KCNN2: variants seen among roughly 807,000 people sequenced by gnomAD.
The protein encoded by KCNN2 is potassium calcium-activated channel subfamily N member 2, also known as small conductance calcium-activated potassium channel protein 2.
In KCNN2, 24 loss-of-function variants were observed where a neutral mutation model predicts 55.5. The observed-to-expected ratio is 0.43, with a 90% CI of 0.31 to 0.61. The LOEUF (loss-of-function observed/expected upper bound fraction) is 0.61. Ranked by LOEUF, KCNN2 falls within the 20% of genes least tolerant of loss-of-function variation. The pLI is 0.08. For missense variants in KCNN2, 754 were observed against 853.6 expected, an observed-to-expected ratio of 0.88 and a Z score of 1.45; for synonymous variants, 431 against 336.1, an observed-to-expected ratio of 1.28 and a Z score of -3.09.
Position 114,362,417 on chromosome 5 carries a change from C to T in KCNN2, c.278C>T (p.Ser93Phe), listed in dbSNP as rs1757456326. ...AACCTGTCCCTGCTGCTCCGCACCT[C>T]CTCGCCCGGCGGCGCCTTCCGGACC... ...GDNLSLLLRT[S>F]SPGGAFRTRT... Residue 93 changes from serine to phenylalanine, a missense_variant, in exon 1 of 8, where the codon TCC becomes TTC. Coordinates refer to ENST00000673685, the MANE Select transcript of KCNN2 (RefSeq NM_021614.4). The T allele has an allele frequency of 3.0e-6, 1 of 329,904 alleles. No homozygotes were observed. The highest frequency in any genetic ancestry group is 5.5e-6 in the Non-Finnish European group (1 of 181,082). The allele number at this position is 329,904 out of a possible 1,614,324, so 20.4% of individuals were successfully genotyped here.
At chr5:114,319,934 G>A (rs1025478307) in intron 2 of KCNN2, among the ~76,000 whole-genome samples, 2 of 152,272 alleles carry the variant, frequency 1.3e-5, no homozygotes, top group African/African-American at 4.8e-5. Flanking sequence ...GGAATCCAGT[G>A]TTTCCTTTGA....
exon 1 of KCNN2, chr5:114,056,075 G>C: frequency 9.7e-6 from 3 of 310,316 alleles, no homozygotes; most frequent in East Asian, 4.9e-5. Context: ...CCCCAGTCCC[G>C]GCGGGGCGCC....
intron 1 of KCNN2, among the ~76,000 whole-genome samples, chr5:114,192,200 T>C (rs983190403): frequency 1.3e-5 from 2 of 152,208 alleles, no homozygotes; most frequent in Admixed American, 1.3e-4. Flanking sequence ...TACTAAATGA[T>C]ACTCACATTC....
chr5:114,362,913 G>A lies in KCNN2; in HGVS notation c.774G>A (p.Ala258=), dbSNP rs370230746. 5.7e-6 allele frequency: 9 copies of A among 1,584,470 alleles called. No homozygotes were observed. Among genetic ancestry groups the A allele is most frequent in the South Asian group, 5.6e-5 (5 of 89,332 alleles). The change falls in exon 1 of 8, where the codon GCG becomes GCA. Residue 258 remains alanine (A), a synonymous_variant. Coordinates refer to ENST00000673685, the MANE Select transcript of KCNN2 (RefSeq NM_021614.4). ...PPASVGGGGG[A]SSPSAAAAAA... is the part of the protein sequence containing the mutation. Reference sequence around the variant, plus strand: ...CGTCTGTCGGAGGAGGTGGCGGCGCGTCCTCCCCGTCTGCAGCCGCTGCCG... The same window carrying A: ...CGTCTGTCGGAGGAGGTGGCGGCGCATCCTCCCCGTCTGCAGCCGCTGCCG...
chr5:114,061,805 A>G (rs1022711785), intron 1 of KCNN2, among the ~76,000 whole-genome samples: 2 of 152,208 alleles, frequency 1.3e-5, no homozygotes, highest in Non-Finnish European at 2.9e-5. Flanking sequence ...GGGATTGGTG[A>G]TAGACATTAG....
chr5:114,493,365 A>G, intron 6 of KCNN2, 38 bp from the exon 7 acceptor site: 3 of 1,290,998 alleles, frequency 2.3e-6, no homozygotes, highest in Non-Finnish European at 3.4e-6. Flanking sequence ...TGCCATAGGA[A>G]GAAGGGAACC....
chr5:114,438,214 T>G (rs1428923309), intron 3 of KCNN2, among the ~76,000 whole-genome samples: 4 of 152,158 alleles, frequency 2.6e-5, no homozygotes, highest in African/African-American at 4.8e-5. Context: ...TATTTACAGT[T>G]TGAAATGTAG....
Position 114,362,683 on chromosome 5 carries a change from C to A in KCNN2, c.544C>A (p.Leu182Ile). The A allele has an allele frequency of 6.9e-7, 1 of 1,449,728 alleles. No individual in the cohort carries two copies. The highest frequency in any genetic ancestry group is 1.4e-5 in the South Asian group (1 of 69,384). The allele number at this position is 1,449,728 out of a possible 1,614,324, so 89.8% of individuals were successfully genotyped here. A position where few individuals can be genotyped will look rare whatever the true frequency, so the allele number is the denominator to read the frequency against. ...CGGCAGTCTGGGCTCCGGGCCCCCG[C>A]TCTCGCACCACCACCACCACCCGCA... is the stretch of plus-strand genomic sequence containing the variant. ...SLGSLGSGPP[L>I]SHHHHHPHPA... Residue 182 changes from leucine to isoleucine, a missense_variant, in exon 1 of 8, where the codon CTC (leucine) becomes ATC (isoleucine). Coordinates refer to ENST00000673685, the MANE Select transcript of KCNN2 (RefSeq NM_021614.4).
chr5:114,455,414 A>C (rs370134758), intron 3 of KCNN2, among the ~76,000 whole-genome samples: 9 of 152,312 alleles, frequency 5.9e-5, no homozygotes, highest in Admixed American at 4.6e-4. Flanking sequence ...CTTAAATGAT[A>C]AATGTTGTGT....
At chr5:114,232,193 C>A (rs529197355) in intron 2 of KCNN2, among the ~76,000 whole-genome samples, 1 of 150,882 alleles carries the variant, frequency 6.6e-6, no homozygotes, top group African/African-American at 2.5e-5. Flanking sequence ...GTAAATTATT[C>A]AGGCAAGAGG....
intron 2 of KCNN2, among the ~76,000 whole-genome samples, chr5:114,371,760 C>T (rs976458041): frequency 2.0e-5 from 3 of 152,154 alleles, no homozygotes; most frequent in Non-Finnish European, 4.4e-5. Flanking sequence ...CATTGAATGT[C>T]CCTGATCACA....
Position 114,254,928 on chromosome 5 carries a change from AC to A in KCNN2, c.-185+33364del, listed in dbSNP as rs537500316. On this transcript the variant is annotated intron_variant, in intron 2 of 10. Coordinates refer to the KCNN2 transcript ENST00000512097. The stretch of plus-strand genomic sequence containing the variant: ...TCTGAGGCTTGTATTTACCAAAAAA[AC>A]AATCTTAAGTAATCTGATTAATTTA... 9.4e-3 allele frequency among the ~76,000 whole-genome samples: 1,428 copies of A among 151,876 alleles called. 29 individuals carry two copies. Among genetic ancestry groups the A allele is most frequent in the African/African-American group, 0.032 (1,306 of 41,456 alleles).
At chr5:114,450,591 T>A (rs565354801) in intron 3 of KCNN2, among the ~76,000 whole-genome samples, 60 of 152,310 alleles carry the variant, frequency 3.9e-4, no homozygotes, top group African/African-American at 1.4e-3. Flanking sequence ...TTTTGCCAAA[T>A]TCCAAGATTT....
intron 2 of KCNN2, among the ~76,000 whole-genome samples, chr5:114,272,358 C>CACATATATGTATGTACAT (rs1755362457): frequency 3.6e-5 from 1 of 27,736 alleles, no homozygotes; most frequent in African/African-American, 7.0e-5. Context: ...ATGTACATAC[C>CACATATATGTATGTACAT]ATATACACAC....
intron 3 of KCNN2, among the ~76,000 whole-genome samples, chr5:114,425,544 GA>G (rs1370108777): frequency 6.6e-6 from 1 of 152,030 alleles, no homozygotes; most frequent in African/African-American, 2.4e-5. Context: ...TACCTACCTG[GA>G]AAAACCAGCC....
chr5:114,131,838 G>C (rs901246904), intron 1 of KCNN2, among the ~76,000 whole-genome samples: 2 of 152,182 alleles, frequency 1.3e-5, no homozygotes, highest in African/African-American at 2.4e-5. Flanking sequence ...GCATAAGATG[G>C]TATCTCATTG....
At chr5:114,192,707 G>A (rs1273075509) in intron 1 of KCNN2, among the ~76,000 whole-genome samples, 2 of 152,106 alleles carry the variant, frequency 1.3e-5, no homozygotes. Context: ...GGAGGTCCTT[G>A]AATGCTTATA....
chr5:114,145,038 C>G (rs1752369520), intron 1 of KCNN2, among the ~76,000 whole-genome samples: 2 of 152,162 alleles, frequency 1.3e-5, no homozygotes, highest in African/African-American at 4.8e-5. Context: ...AACTCTCATA[C>G]CAGTCATAGC....
In KCNN2 at chr5:114,439,818, G is replaced by T. The variant is rs1561384680; in HGVS notation, c.1638-23231G>T. On this transcript the variant is annotated intron_variant, in intron 3 of 7. Coordinates refer to ENST00000673685, the MANE Select transcript of KCNN2 (RefSeq NM_021614.4). ...ACCCTTGATTCCCAGGCTGGGTGGG[G>T]TGTGTGCTTGGTGAGGTTATAGGGG... Among the ~76,000 whole-genome samples the T allele has an allele frequency of 2.0e-5, 3 of 152,282 alleles. No homozygotes were observed. The South Asian group carries it at 6.2e-4, about 32-fold the overall frequency.
Sources: gnomAD v4.1 joint callset for allele counts (sites outside exome capture counted in the v4.1 genomes callset) on GRCh38, gnomAD v4.1.1 for gene constraint, MANE v1.5 for transcripts, NCBI Gene and HGNC (gene_info 2026-07-23, HGNC 2026-07-21) for gene names.